The following EIF2B3 variants were observed in gnomAD, a reference collection of about 807,000 sequenced individuals.
EIF2B3 encodes the protein translation initiation factor eIF2B subunit gamma.
EIF2B3 carries 20 observed loss-of-function variants against 54.1 expected under a neutral mutation model. The observed-to-expected ratio is 0.37, with a 90% CI of 0.26 to 0.54. The LOEUF (loss-of-function observed/expected upper bound fraction) is 0.54. EIF2B3 is among the 20% of genes least tolerant of loss of function. The pLI, the probability that EIF2B3 is intolerant of heterozygous loss-of-function variation, is 0.86. For missense variants in EIF2B3, 448 were observed against 547.8 expected, an observed-to-expected ratio of 0.82 and a Z score of 1.82; for synonymous variants, 153 against 188.1, an observed-to-expected ratio of 0.81 and a Z score of 1.52.
intron 3 of EIF2B3, among the ~76,000 whole-genome samples, chr1:44,965,664 G>T: frequency 7.4e-6 from 1 of 135,838 alleles, no homozygotes; most frequent in East Asian, 2.2e-4. Flanking sequence ...TTTTGAGACG[G>T]AGTCTCACTC....
chr1:44,935,734 C>T (rs758607448), intron 4 of EIF2B3, among the ~76,000 whole-genome samples: 2 of 152,158 alleles, frequency 1.3e-5, no homozygotes, highest in Non-Finnish European at 2.9e-5. Context: ...CTGCTGACCT[C>T]AAATGATCCT....
At chr1:44,897,835 C>T (rs1297613260) in intron 5 of EIF2B3, among the ~76,000 whole-genome samples, 2 of 151,064 alleles carry the variant, frequency 1.3e-5, no homozygotes, top group African/African-American at 4.9e-5. Flanking sequence ...CTCCCAGGCT[C>T]AAGCAATTCT....
At chr1:44,986,108 C>T (rs1042524778) in intron 1 of EIF2B3, among the ~76,000 whole-genome samples, 7 of 151,908 alleles carry the variant, frequency 4.6e-5, no homozygotes, top group Non-Finnish European at 8.8e-5. Flanking sequence ...GCAGAACCCT[C>T]CCCGAAACTT....
At chr1:44,950,767 C>G (rs749440111) in intron 3 of EIF2B3, among the ~76,000 whole-genome samples, 9 of 152,184 alleles carry the variant, frequency 5.9e-5, no homozygotes, top group Non-Finnish European at 1.2e-4. Context: ...TGGCTCACTG[C>G]AACCTCCACC....
intron 10 of EIF2B3, among the ~76,000 whole-genome samples, chr1:44,861,370 A>G (rs768785033): frequency 6.6e-6 from 1 of 152,254 alleles, no homozygotes; most frequent in East Asian, 1.9e-4. Flanking sequence ...TTCTTTTTCC[A>G]AGGTGGTAGT....
At chr1:44,958,054 C>A (rs1644246480) in intron 3 of EIF2B3, among the ~76,000 whole-genome samples, 1 of 152,170 alleles carries the variant, frequency 6.6e-6, no homozygotes, top group East Asian at 1.9e-4. Context: ...AAAAACCCAA[C>A]CATAGGAGTT....
intron 6 of EIF2B3, among the ~76,000 whole-genome samples, chr1:44,884,170 ATG>A (rs1655502183): frequency 6.6e-6 from 1 of 152,214 alleles, no homozygotes; most frequent in Non-Finnish European, 1.5e-5. Context: ...AGAAAGTGAC[ATG>A]AACAGTTTTA....
rs149510980 is a variant in EIF2B3, at chr1:44,884,358, C to T, written c.657-2619G>A. ...GCTGCATACTTCCCACCACCTCTCC[C>T]AGCCCCCATTCAAAGCTCTGCATGC... On this transcript the variant is annotated intron_variant, in intron 6 of 11. Coordinates refer to ENST00000360403, the MANE Select transcript of EIF2B3 (RefSeq NM_020365.5). 3.6e-3 allele frequency among the ~76,000 whole-genome samples: 542 copies of T among 152,248 alleles called. 2 individuals carry two copies. Among genetic ancestry groups the T allele is most frequent in the African/African-American group, 0.012 (515 of 41,550 alleles).
intron 3 of EIF2B3, among the ~76,000 whole-genome samples, chr1:44,969,517 G>GT (rs796634305): frequency 6.6e-6 from 1 of 151,934 alleles, no homozygotes; most frequent in Non-Finnish European, 1.5e-5. Flanking sequence ...GTTTTTTACT[G>GT]TTTTTTAGAA....
At chr1:44,874,439 C>T (rs1214781396) in intron 10 of EIF2B3, 6 of 522,220 alleles carry the variant, frequency 1.1e-5, no homozygotes, top group Non-Finnish European at 1.4e-5. Flanking sequence ...TGCCCTTTTT[C>T]TGAGTTGAAT....
At chr1:44,894,261 C>G (rs1032840295) in intron 6 of EIF2B3, among the ~76,000 whole-genome samples, 1 of 152,184 alleles carries the variant, frequency 6.6e-6, no homozygotes, top group African/African-American at 2.4e-5. Flanking sequence ...GAACATTCAT[C>G]TATCATACTA....
chr1:44,876,474 G>A lies in EIF2B3; in HGVS notation c.976-779C>T, dbSNP rs1175122979. ...TGAGGAGACCCTCTGCCTGGCAGCC[G>A]CCCCGTCTGAGAAGTGAGGAGCCCC... On this transcript the variant is annotated intron_variant, in intron 8 of 11. Coordinates refer to ENST00000360403, the MANE Select transcript of EIF2B3 (RefSeq NM_020365.5). Among the ~76,000 whole-genome samples, 7 of 128,880 alleles carry A rather than the reference G, an allele frequency of 5.4e-5. No homozygotes were observed. In the East Asian group the frequency reaches 9.6e-4, roughly 18 times the overall value. The allele number at this position is 128,880 out of a possible 152,430, so 84.6% of individuals were successfully genotyped here.
At chr1:44,969,367 T>C (rs1569865670) in intron 3 of EIF2B3, among the ~76,000 whole-genome samples, 2 of 152,314 alleles carry the variant, frequency 1.3e-5, no homozygotes, top group East Asian at 3.9e-4. Context: ...TTTCAACCAA[T>C]TGTAATGTGT....
rs1213090701 is a variant in EIF2B3, at chr1:44,967,825, G to A, written c.294+10490C>T. ...GAGGCCGAGGCGAGCAAATCAAGAG[G>A]TCAGGAGTTCGAGACCAGCCTGGCC... is the stretch of plus-strand genomic sequence containing the variant. On this transcript the variant is annotated intron_variant, in intron 3 of 11. Coordinates refer to ENST00000360403, the MANE Select transcript of EIF2B3 (RefSeq NM_020365.5). Among the ~76,000 whole-genome samples the A allele has an allele frequency of 2.6e-5, 4 of 151,408 alleles. No individual in the cohort carries two copies. The East Asian group carries it at 7.8e-4, about 29-fold the overall frequency.
chr1:44,979,936 A>T (rs527925685), intron 2 of EIF2B3, among the ~76,000 whole-genome samples: 2 of 152,296 alleles, frequency 1.3e-5, no homozygotes, highest in South Asian at 4.1e-4. Flanking sequence ...ACTGTACTCC[A>T]GCCTGGGCGA....
At chr1:44,877,202 A>C (rs71653931) in intron 8 of EIF2B3, among the ~76,000 whole-genome samples, 26,764 of 142,908 alleles carry the variant, frequency 0.19, 3,575 homozygotes, top group Admixed American at 0.29. Context: ...TAAAAAAAAA[A>C]AAAAAAAAAA....
At chr1:44,916,781 C>A (rs1643632303) in intron 5 of EIF2B3, among the ~76,000 whole-genome samples, 1 of 146,608 alleles carries the variant, frequency 6.8e-6, no homozygotes, top group African/African-American at 2.5e-5. Flanking sequence ...CACTGTACTC[C>A]AGCCTTGAGA....
intron 5 of EIF2B3, among the ~76,000 whole-genome samples, chr1:44,912,382 C>A (rs1257953184): frequency 6.6e-6 from 1 of 152,212 alleles, no homozygotes; most frequent in Non-Finnish European, 1.5e-5. Flanking sequence ...ATCTATCCTA[C>A]ATACTTCTGT....
chr1:44,985,405 A>AT (rs1644561253), intron 1 of EIF2B3, among the ~76,000 whole-genome samples: 1 of 52,312 alleles, frequency 1.9e-5, no homozygotes, highest in African/African-American at 2.3e-4. Context: ...CTTAGCCTTT[A>AT]CGGGTTTCAT....
Sources: gnomAD v4.1 joint callset for allele counts (sites outside exome capture counted in the v4.1 genomes callset) on GRCh38, gnomAD v4.1.1 for gene constraint, MANE v1.5 for transcripts, NCBI Gene and HGNC (gene_info 2026-07-23, HGNC 2026-07-21) for gene names.